The following TRMT11 variants were observed in gnomAD, a reference collection of about 807,000 sequenced individuals.
TRMT11 encodes tRNA methyltransferase 11.
Under a neutral mutation model 62.8 loss-of-function variants are expected in TRMT11, and 53 were observed. The ratio of observed to expected loss-of-function variants is 0.84; its 90% CI spans 0.68 to 1.06. TRMT11 has a LOEUF of 1.06. Ranked by LOEUF, TRMT11 falls within the 50% of genes least tolerant of loss-of-function variation. The probability of loss-of-function intolerance (pLI) is 0.00; values close to 1 mark genes in which losing one functional copy is unlikely to be tolerated. For missense variants in TRMT11, 556 were observed against 553.4 expected (o/e 1.00, Z -0.05); for synonymous variants, 188 against 190.3 (o/e 0.99, Z 0.10).
At chr6:125,986,667 T>C (rs1180164185) in intron 1 of TRMT11, 45 bp downstream of exon 1, 1 of 1,497,300 alleles carries the variant, frequency 6.7e-7, no homozygotes, top group East Asian at 2.4e-5. Context: ...AAGAGGACGC[T>C]GGAGTGGAGT....
In TRMT11 at chr6:126,201,036, A is replaced by T. The variant is rs150453367; in HGVS notation, n.372-992A>T. Among the ~76,000 whole-genome samples, 598 of 152,298 alleles carry T rather than the reference A, an allele frequency of 3.9e-3. 4 individuals are homozygous for T. Among genetic ancestry groups the T allele is most frequent in the African/African-American group, 0.014 (581 of 41,568 alleles). ...AGATCTGTCTGCTAACATGGCTTTAAATGCAAATTTGAGTGACAATCCAAA... is the reference window on the plus strand; with the variant it reads ...AGATCTGTCTGCTAACATGGCTTTATATGCAAATTTGAGTGACAATCCAAA... On this transcript the variant is annotated intron_variant and non_coding_transcript_variant, in intron 3 of 3. Coordinates refer to the TRMT11 transcript ENST00000444229.
At chr6:126,203,877 T>A (rs1778764437), downstream of TRMT11, among the ~76,000 whole-genome samples, 1 of 152,114 alleles carries the variant, frequency 6.6e-6, no homozygotes, top group African/African-American at 2.4e-5. Context: ...TACAAAGCTG[T>A]CCAACACAAT....
chr6:126,152,077 G>A (rs990524690), intron 21 of TRMT11, among the ~76,000 whole-genome samples: 11 of 133,464 alleles, frequency 8.2e-5, no homozygotes, highest in African/African-American at 2.6e-4. Flanking sequence ...GTTACAGGCA[G>A]CATGTATTCT....
chr6:126,192,631 G>T (rs917112590), intron 1 of TRMT11, among the ~76,000 whole-genome samples: 1 of 151,986 alleles, frequency 6.6e-6, no homozygotes, highest in African/African-American at 2.4e-5. Flanking sequence ...TATCCAATTT[G>T]TCAAAAGTTT....
At chr6:126,017,761 A>G (rs572117198) in intron 11 of TRMT11, among the ~76,000 whole-genome samples, 66 of 152,228 alleles carry the variant, frequency 4.3e-4, no homozygotes, top group Non-Finnish European at 8.8e-5. Flanking sequence ...GACTTAACAC[A>G]TAAAATTACT....
intron 17 of TRMT11, among the ~76,000 whole-genome samples, chr6:126,105,257 T>C (rs1464454058): frequency 6.6e-6 from 1 of 152,148 alleles, no homozygotes; most frequent in Non-Finnish European, 1.5e-5. Context: ...TTCATTCTCC[T>C]CCCTCCTGCT....
intron 17 of TRMT11, among the ~76,000 whole-genome samples, chr6:126,104,883 A>G (rs1349302360): frequency 6.6e-6 from 1 of 152,104 alleles, no homozygotes; most frequent in African/African-American, 2.4e-5. Flanking sequence ...TATTGATGGG[A>G]CAAATTGGAT....
At chr6:125,990,909 A>G (rs1488354958) in intron 1 of TRMT11, among the ~76,000 whole-genome samples, 1 of 152,018 alleles carries the variant, frequency 6.6e-6, no homozygotes, top group Non-Finnish European at 1.5e-5. Flanking sequence ...ATGTGTGTGT[A>G]TTTTTACATA....
chr6:125,996,523 A>T (rs1791540987), intron 3 of TRMT11, among the ~76,000 whole-genome samples: 1 of 152,088 alleles, frequency 6.6e-6, no homozygotes, highest in Non-Finnish European at 1.5e-5. Context: ...TAATGTAATG[A>T]TGCTGTTCAT....
At chr6:126,106,495 C>T (rs113058245) in intron 17 of TRMT11, among the ~76,000 whole-genome samples, 4,389 of 152,178 alleles carry the variant, frequency 0.029, 102 homozygotes, top group Non-Finnish European at 0.046. Context: ...CACTACTTCT[C>T]GCGCTGTTGG....
At chr6:126,093,581 G>GTATATATA (rs1562321267) in intron 17 of TRMT11, among the ~76,000 whole-genome samples, 9 of 37,068 alleles carry the variant, frequency 2.4e-4, no homozygotes, top group South Asian at 1.1e-3. Context: ...AACAGGATAT[G>GTATATATA]TATGTATATA....
chr6:126,028,344 TTCTAGG>T (rs1773572922), intron 12 of TRMT11, among the ~76,000 whole-genome samples: 1 of 152,192 alleles, frequency 6.6e-6, no homozygotes, highest in African/African-American at 2.4e-5. Context: ...CATAAACTCA[TTCTAGG>T]TCTTCATACA....
chr6:126,223,744 C>G, the TRMT11 span, among the ~76,000 whole-genome samples: 3 of 152,160 alleles, frequency 2.0e-5, no homozygotes, highest in African/African-American at 7.2e-5. Flanking sequence ...ACAGTATCCT[C>G]AAGTATGTTT....
At chr6:126,014,618 C>T (rs1180205114) in intron 11 of TRMT11, among the ~76,000 whole-genome samples, 2 of 152,220 alleles carry the variant, frequency 1.3e-5, no homozygotes, top group African/African-American at 4.8e-5. Context: ...GGTAGTCCCT[C>T]AGGCTTTGGG....
At chr6:126,169,093 G>A (rs1778300715) in intron 21 of TRMT11, among the ~76,000 whole-genome samples, 1 of 152,218 alleles carries the variant, frequency 6.6e-6, no homozygotes, top group Admixed American at 6.5e-5. Context: ...CTCCTGGAAT[G>A]CAGGTGCATG....
chr6:125,998,732 T>C, intron 6 of TRMT11, 48 bp downstream of exon 6: 1 of 1,593,382 alleles, frequency 6.3e-7, no homozygotes, highest in Non-Finnish European at 8.5e-7. Flanking sequence ...TTTTGAAAGC[T>C]ACTTATTAGG....
intron 1 of TRMT11, among the ~76,000 whole-genome samples, chr6:126,196,550 A>T (rs182581458): frequency 4.1e-4 from 63 of 152,148 alleles, no homozygotes; most frequent in Non-Finnish European, 7.6e-4. Flanking sequence ...AGTATTTGAC[A>T]TAACTAGAAG....
intron 17 of TRMT11, among the ~76,000 whole-genome samples, chr6:126,091,635 A>C (rs1777278792): frequency 6.6e-6 from 1 of 152,036 alleles, no homozygotes; most frequent in Admixed American, 6.5e-5. Context: ...ACTCGGTCAC[A>C]CCCTATTTGT....
intron 17 of TRMT11, among the ~76,000 whole-genome samples, chr6:126,089,806 G>T (rs1004823538): frequency 6.6e-6 from 1 of 152,190 alleles, no homozygotes; most frequent in African/African-American, 2.4e-5. Flanking sequence ...GGATGATCTT[G>T]TAAAATTTCA....
Sources: allele counts gnomAD v4.1 joint callset (sites outside exome capture counted in the v4.1 genomes callset), GRCh38; gene constraint gnomAD v4.1.1; transcripts MANE v1.5; gene names NCBI Gene and HGNC (gene_info 2026-07-23, HGNC 2026-07-21).